The following STAG1 variants were observed in gnomAD, a reference collection of about 807,000 sequenced individuals.
The protein encoded by STAG1 is STAG1 cohesin complex component, also known as cohesin subunit SA-1.
A neutral mutation model predicts 170.9 loss-of-function variants in STAG1; 26 were observed. The observed-to-expected ratio is 0.15, with a 90% CI of 0.11 to 0.21. The LOEUF is 0.21. Among genes scored for constraint, STAG1 ranks in the 10% least tolerant of loss-of-function variants. The pLI, the probability that STAG1 is intolerant of heterozygous loss-of-function variation, is 1.00. For missense variants in STAG1, 964 were observed against 1,509.5 expected (o/e 0.64, Z 5.99); for synonymous variants, 514 against 497.7 (o/e 1.03, Z -0.44).
intron 13 of STAG1, among the ~76,000 whole-genome samples, chr3:136,454,782 A>C (rs1485560532): frequency 1.3e-5 from 2 of 152,228 alleles, no homozygotes; most frequent in Admixed American, 1.3e-4. Context: ...CATGTAGTAA[A>C]ACATTCATTT....
chr3:136,686,995 G>A (rs1486889245), intron 1 of STAG1, among the ~76,000 whole-genome samples: 1 of 152,174 alleles, frequency 6.6e-6, no homozygotes, highest in African/African-American at 2.4e-5. Flanking sequence ...AGGGAAAAAG[G>A]ATCTAACAAC....
At position 136,444,691 on chromosome 3, in the gene STAG1, T is replaced by C. The variant is rs191216422; in HGVS notation, c.1429-1287A>G. On this transcript the variant is annotated intron_variant, in intron 14 of 33. Transcript: ENST00000383202. ...ATTAACTGTAATCTGTTATATGTGC[T>C]TGTACTTGTCAGAGAAAATATTTTT... Among the ~76,000 whole-genome samples, 4 of 152,348 alleles carry C rather than the reference T, an allele frequency of 2.6e-5. No individual in the cohort carries two copies. In the East Asian group the frequency reaches 7.7e-4, roughly 29 times the overall value.
intron 23 of STAG1, among the ~76,000 whole-genome samples, chr3:136,372,551 A>G (rs1937401492): frequency 6.6e-6 from 1 of 152,184 alleles, no homozygotes; most frequent in African/African-American, 2.4e-5. Context: ...GAGAGTTTTT[A>G]GTATGAAGGT....
At chr3:136,672,474 A>G (rs1193077878) in intron 1 of STAG1, among the ~76,000 whole-genome samples, 1 of 152,248 alleles carries the variant, frequency 6.6e-6, no homozygotes, top group Non-Finnish European at 1.5e-5. Context: ...CTAAACAAGC[A>G]TCTAGGAGTA....
chr3:136,632,121 G>A (rs149536352), intron 1 of STAG1, among the ~76,000 whole-genome samples: 94 of 151,832 alleles, frequency 6.2e-4, no homozygotes, highest in African/African-American at 2.2e-3. Flanking sequence ...ACTGACAGAG[G>A]GGGAAAAAAA....
chr3:136,461,968 G>C (rs1163803647), intron 13 of STAG1, among the ~76,000 whole-genome samples: 1 of 151,958 alleles, frequency 6.6e-6, no homozygotes, highest in Non-Finnish European at 1.5e-5. Context: ...TTATTATAAA[G>C]AAAGTGCAAA....
At chr3:136,405,231 CTTTTTTTTTTTT>C (rs554475207) in intron 21 of STAG1, among the ~76,000 whole-genome samples, 9,172 of 61,196 alleles carry the variant, frequency 0.15, 1,261 homozygotes, top group African/African-American at 0.37. Flanking sequence ...GAAAAAACCT[CTTTTTTTTTTTT>C]TTTTTTTTTT....
intron 9 of STAG1, among the ~76,000 whole-genome samples, chr3:136,487,022 A>G (rs2090029756): frequency 6.8e-6 from 1 of 148,148 alleles, no homozygotes; most frequent in Non-Finnish European, 1.5e-5. Flanking sequence ...AAAAAAAAAA[A>G]AAAAAAAAGC....
chr3:136,395,206 G>C (rs1012159898), intron 22 of STAG1, among the ~76,000 whole-genome samples: 7 of 152,034 alleles, frequency 4.6e-5, no homozygotes, highest in African/African-American at 1.2e-4. Flanking sequence ...GAATGTGTCA[G>C]ACAAAAAAGG....
intron 1 of STAG1, among the ~76,000 whole-genome samples, chr3:136,670,519 C>G (rs926067855): frequency 6.6e-6 from 1 of 152,136 alleles, no homozygotes; most frequent in East Asian, 1.9e-4. Context: ...CTCACTCTGT[C>G]GCCCAGGCTG....
chr3:136,401,458 A>C (rs696518), intron 21 of STAG1, among the ~76,000 whole-genome samples: 51,727 of 152,104 alleles, frequency 0.34, 11,058 homozygotes, highest in East Asian at 0.81. Flanking sequence ...AGATATTCTG[A>C]AACTGTTATT....
chr3:136,487,124 T>C (rs2090033488), intron 9 of STAG1, among the ~76,000 whole-genome samples: 1 of 147,714 alleles, frequency 6.8e-6, no homozygotes, highest in Admixed American at 6.8e-5. Context: ...CTAAGTTCCC[T>C]CCCCTCACCC....
At chr3:136,453,900 C>T (rs932626320) in intron 13 of STAG1, among the ~76,000 whole-genome samples, 9 of 151,592 alleles carry the variant, frequency 5.9e-5, no homozygotes, top group African/African-American at 1.2e-4. Context: ...TACCAGAAAA[C>T]GACCACAGAG....
intron 1 of STAG1, among the ~76,000 whole-genome samples, chr3:136,633,115 A>G (rs1215167742): frequency 1.3e-5 from 2 of 152,222 alleles, no homozygotes; most frequent in South Asian, 2.1e-4. Context: ...TCCCAGAGTG[A>G]AAACATTTTA....
chr3:136,490,984 C>T (rs111812429), intron 9 of STAG1, among the ~76,000 whole-genome samples: 182 of 152,210 alleles, frequency 1.2e-3, no homozygotes, highest in African/African-American at 2.5e-3. Flanking sequence ...ATTTTCACTA[C>T]GGTATGTCTA....
intron 4 of STAG1, among the ~76,000 whole-genome samples, chr3:136,575,470 CCA>C (rs1423509494): frequency 6.6e-6 from 1 of 152,138 alleles, no homozygotes; most frequent in Non-Finnish European, 1.5e-5. Context: ...AGAAATCCTC[CCA>C]CCTTGGCCTA....
At chr3:136,681,886 G>C (rs1004633338) in intron 1 of STAG1, among the ~76,000 whole-genome samples, 1 of 151,880 alleles carries the variant, frequency 6.6e-6, no homozygotes, top group African/African-American at 2.4e-5. Flanking sequence ...ATATAACAAA[G>C]GTGGCATATG....
chr3:136,372,386 C>T (rs541063822), intron 23 of STAG1, among the ~76,000 whole-genome samples: 4 of 152,090 alleles, frequency 2.6e-5, no homozygotes, highest in African/African-American at 9.7e-5. Context: ...CAACACTATA[C>T]TGAATAGGAG....
At chr3:136,565,651 T>A (rs1424963303) in intron 5 of STAG1, among the ~76,000 whole-genome samples, 1 of 152,238 alleles carries the variant, frequency 6.6e-6, no homozygotes, top group Admixed American at 6.5e-5. Flanking sequence ...GGAATTATTA[T>A]ACGACCTAGC....
Sources: allele counts gnomAD v4.1 joint callset (sites outside exome capture counted in the v4.1 genomes callset), GRCh38; gene constraint gnomAD v4.1.1; transcripts MANE v1.5; gene names NCBI Gene and HGNC (gene_info 2026-07-23, HGNC 2026-07-21).